COMMD1: variants seen among roughly 807,000 people sequenced by gnomAD.
COMMD1 encodes COMM domain-containing protein 1.
In COMMD1, 10 loss-of-function variants were observed where a neutral mutation model predicts 17.2. That is an observed-to-expected ratio of 0.58 (90% CI 0.36 to 0.99). The LOEUF (loss-of-function observed/expected upper bound fraction) is 0.99, where lower values mean the gene tolerates loss of function less well. Among genes scored for constraint, COMMD1 ranks in the 50% least tolerant of loss-of-function variants. The pLI, the probability that COMMD1 is intolerant of heterozygous loss-of-function variation, is 0.01. For synonymous variants in COMMD1, 97 were observed against 91.6 expected, an observed-to-expected ratio of 1.06 and a Z score of -0.34; for missense variants, 270 against 231.8, an observed-to-expected ratio of 1.17 and a Z score of -1.07.
chr2:62,022,659 C>G (rs1484773255), intron 2 of COMMD1, among the ~76,000 whole-genome samples: 1 of 149,508 alleles, frequency 6.7e-6, no homozygotes, highest in African/African-American at 2.5e-5. Context: ...ATTGGAAATA[C>G]TTCTGAATAA....
intron 2 of COMMD1, among the ~76,000 whole-genome samples, chr2:62,111,849 C>G (rs1170314683): frequency 6.6e-6 from 1 of 152,166 alleles, no homozygotes; most frequent in African/African-American, 2.4e-5. Context: ...TCAATACTTT[C>G]AAGTCCCTTT....
intron 1 of COMMD1, among the ~76,000 whole-genome samples, chr2:61,941,500 G>A (rs962313920): frequency 6.6e-6 from 1 of 152,164 alleles, no homozygotes; most frequent in African/African-American, 2.4e-5. Context: ...AGAATATCCT[G>A]GTCATTATAA....
Position 62,000,713 on chromosome 2 carries a change from G to T in COMMD1, c.193G>T (p.Ala65Ser). ...MRGILKSIAS[A>S]DMDFNQLEAF... ...GTCATCTTTATAGTCTATTGCGTCT[G>T]CAGACATGGATTTCAACCAGCTGGA... The change falls in exon 2 of 3, where the codon GCA (alanine) becomes TCA (serine). Residue 65 changes from alanine to serine, a missense_variant. By Grantham distance (99) the Ala-to-Ser change is moderately conservative. Transcript: ENST00000311832. The T allele has an allele frequency of 6.2e-7, 1 of 1,614,076 alleles. No homozygotes were observed.
At chr2:62,100,706 C>G (rs1322114874) in intron 2 of COMMD1, among the ~76,000 whole-genome samples, 1 of 152,082 alleles carries the variant, frequency 6.6e-6, no homozygotes, top group African/African-American at 2.4e-5. Flanking sequence ...GACCAAGGTT[C>G]TTTTGAAGTC....
intron 1 of COMMD1, among the ~76,000 whole-genome samples, chr2:61,949,344 G>A (rs1670992684): frequency 1.3e-5 from 2 of 152,154 alleles, no homozygotes; most frequent in South Asian, 4.2e-4. Context: ...TAGCCTAAGA[G>A]GAGTACAGAG....
chr2:61,907,016 G>A (rs569274313), intron 1 of COMMD1, among the ~76,000 whole-genome samples: 14 of 152,318 alleles, frequency 9.2e-5, no homozygotes, highest in Non-Finnish European at 1.8e-4. Context: ...TCATGGAAAT[G>A]TAAGGAGTAA....
At chr2:62,036,143 A>G (rs1670034235) in intron 2 of COMMD1, among the ~76,000 whole-genome samples, 1 of 152,090 alleles carries the variant, frequency 6.6e-6, no homozygotes. Context: ...TCTTCTTGAG[A>G]CAACAATGCT....
At chr2:62,006,045 G>C (rs1049861884) in intron 2 of COMMD1, among the ~76,000 whole-genome samples, 3 of 151,718 alleles carry the variant, frequency 2.0e-5, no homozygotes, top group African/African-American at 7.3e-5. Context: ...GTCCTTTGTA[G>C]GGACATGGAT....
chr2:61,899,379 T>A lies in COMMD1; in HGVS notation n.119+10537T>A, dbSNP rs150020485. On this transcript the variant is annotated intron_variant and non_coding_transcript_variant, in intron 1 of 2. Transcript: ENST00000472729. ...GCCTCCCCACATAGTTTAGTTACTTTTCTGCCATTGCCTGTCTTTGTTCAT... is the reference window on the plus strand; with the variant it reads ...GCCTCCCCACATAGTTTAGTTACTTATCTGCCATTGCCTGTCTTTGTTCAT... Among the ~76,000 whole-genome samples the A allele has an allele frequency of 3.3e-5, 5 of 152,352 alleles. No individual in the cohort carries two copies. In the East Asian group the frequency reaches 7.7e-4, roughly 23 times the overall value.
intron 1 of COMMD1, among the ~76,000 whole-genome samples, chr2:61,890,291 C>T (rs1208301108): frequency 6.6e-6 from 1 of 152,176 alleles, no homozygotes; most frequent in Admixed American, 6.5e-5. Context: ...ACCATCTCGG[C>T]TCACCGCAAC....
upstream of COMMD1, among the ~76,000 whole-genome samples, chr2:61,903,838 G>A (rs1480702844): frequency 6.6e-6 from 1 of 151,988 alleles, no homozygotes; most frequent in Non-Finnish European, 1.5e-5. Context: ...CACCATGCCC[G>A]ACCTCAGTTG....
intron 2 of COMMD1, among the ~76,000 whole-genome samples, chr2:62,034,518 C>T (rs1356774705): frequency 6.6e-6 from 1 of 152,068 alleles, no homozygotes; most frequent in Non-Finnish European, 1.5e-5. Context: ...AAGAAAAATA[C>T]AGTGAAGACT....
intron 1 of COMMD1, among the ~76,000 whole-genome samples, chr2:61,896,275 A>T (rs1055309705): frequency 2.6e-5 from 4 of 152,164 alleles, no homozygotes; most frequent in Non-Finnish European, 5.9e-5. Flanking sequence ...CACTGCTACC[A>T]CAGAGGGATC....
At chr2:62,135,001 G>A (rs1234646326) in intron 2 of COMMD1, among the ~76,000 whole-genome samples, 1 of 152,162 alleles carries the variant, frequency 6.6e-6, no homozygotes, top group South Asian at 2.1e-4. Flanking sequence ...CTAAATCCAA[G>A]TTAGCTCACT....
chr2:62,102,251 A>T (rs1672202700), intron 2 of COMMD1, among the ~76,000 whole-genome samples: 1 of 152,134 alleles, frequency 6.6e-6, no homozygotes, highest in South Asian at 2.1e-4. Context: ...CTTCCATGAG[A>T]CTAGACTTAA....
chr2:61,967,296 A>G (rs1050782687), intron 1 of COMMD1, among the ~76,000 whole-genome samples: 1 of 152,218 alleles, frequency 6.6e-6, no homozygotes, highest in Non-Finnish European at 1.5e-5. Flanking sequence ...ACATAAAAAC[A>G]TACAATCCGA....
chr2:62,003,833 C>T (rs1669034568), intron 2 of COMMD1, among the ~76,000 whole-genome samples: 1 of 152,114 alleles, frequency 6.6e-6, no homozygotes, highest in Admixed American at 6.6e-5. Context: ...TTCGTTAATA[C>T]TATCATAGGT....
rs536803357 is a variant in COMMD1 at position 62,012,763 on chromosome 2, G to T, written c.462+11781G>T. ...GGCAGAAAAGCTATTATAAGCAAAA[G>T]GAAGATTCACTTAGCTAGTGATTCA... On this transcript the variant is annotated intron_variant, in intron 2 of 2. Transcript: ENST00000311832. Among the ~76,000 whole-genome samples, 7 of 152,238 alleles carry T rather than the reference G, an allele frequency of 4.6e-5. No homozygotes were observed. The East Asian group carries it at 1.4e-3, about 29-fold the overall frequency.
At chr2:61,991,715 A>G (rs1473314359) in intron 1 of COMMD1, among the ~76,000 whole-genome samples, 3 of 152,222 alleles carry the variant, frequency 2.0e-5, no homozygotes, top group Non-Finnish European at 2.9e-5. Flanking sequence ...GAACAGAGAC[A>G]CATAGAAGAA....
Sources: gnomAD v4.1 joint callset for allele counts (sites outside exome capture counted in the v4.1 genomes callset) on GRCh38, gnomAD v4.1.1 for gene constraint, MANE v1.5 for transcripts, NCBI Gene and HGNC (gene_info 2026-07-23, HGNC 2026-07-21) for gene names.